Variants in TRMU observed in about 807,000 individuals in gnomAD.
TRMU encodes the protein tRNA mitochondrial 2-thiouridylase.
A neutral mutation model predicts 46.9 loss-of-function variants in TRMU; 49 were observed. That is an observed-to-expected ratio of 1.05 (90% CI 0.83 to 1.33). The LOEUF (loss-of-function observed/expected upper bound fraction) is 1.33, where lower values mean the gene tolerates loss of function less well. Among genes scored for constraint, TRMU ranks in the 40% most tolerant of loss-of-function variants. The pLI, the probability that TRMU is intolerant of heterozygous loss-of-function variation, is 0.00. For synonymous variants in TRMU, 241 were observed against 200.9 expected (o/e 1.20, Z -1.69); for missense variants, 572 against 532.4 (o/e 1.07, Z -0.73).
intron 2 of TRMU, among the ~76,000 whole-genome samples, chr22:46,340,146 G>C (rs1266471542): frequency 6.6e-6 from 1 of 152,146 alleles, no homozygotes; most frequent in Non-Finnish European, 1.5e-5. Flanking sequence ...CCTGGACCGA[G>C]GTCTGGGGGC....
intron 8 of TRMU, 52 bp from the exon 9 acceptor site, chr22:46,355,392 C>T: frequency 1.2e-6 from 2 of 1,601,750 alleles, no homozygotes; most frequent in Admixed American, 1.7e-5. Flanking sequence ...CTGAGGCCGG[C>T]CTTGGGGCCA....
At chr22:46,344,476 A>C (rs1273909510) in intron 3 of TRMU, among the ~76,000 whole-genome samples, 1 of 152,230 alleles carries the variant, frequency 6.6e-6, no homozygotes, top group African/African-American at 2.4e-5. Flanking sequence ...GGCAGTGGTC[A>C]AGCGTGTGAG....
At position 46,342,439 on chromosome 22, in the gene TRMU, A is replaced by G. The variant is rs1356342759; in HGVS notation, c.249-823A>G. 2.6e-5 allele frequency among the ~76,000 whole-genome samples: 4 copies of G among 152,086 alleles called. No homozygotes were observed. Among genetic ancestry groups the G allele is most frequent in the Non-Finnish European group, 5.9e-5 (4 of 68,016 alleles). ...GTGTAGCTGTGCAGAAGCTCTCTGA[A>G]CCCAGTACTCCTGGGTTTTTATGGA... On this transcript the variant is annotated intron_variant, in intron 2 of 10. Coordinates refer to ENST00000645190, the MANE Select transcript of TRMU (RefSeq NM_018006.5). The surrounding 1 kb of genome is among the most constrained non-coding windows in gnomAD (Gnocchi z 4.7).
In TRMU at chr22:46,351,148, G is replaced by A. The variant is rs2078410413; in HGVS notation, c.651+685G>A. 1.3e-5 allele frequency among the ~76,000 whole-genome samples: 2 copies of A among 152,326 alleles called. No individual in the cohort carries two copies. The highest frequency in any genetic ancestry group is 2.9e-5 in the Non-Finnish European group (2 of 68,022). On this transcript the variant is annotated intron_variant, in intron 5 of 10. Transcript: ENST00000645190. This position sits in a 1 kb window ranked among gnomAD's most constrained non-coding sequence, Gnocchi z 6.4. ...GACCTGAAGGAGGAGAGGATCCGGT[G>A]TCCCAGAGAGGGCTGGGAAAGTCCA...
At chr22:46,346,318 T>C in intron 3 of TRMU, 104 bp from the exon 4 acceptor site, 1 of 1,442,270 alleles carries the variant, frequency 6.9e-7, no homozygotes, top group Non-Finnish European at 9.3e-7. Context: ...CCCCTCAGCC[T>C]AAGACTTGGG....
Position 46,350,148 on chromosome 22 carries a change from T to C in TRMU, c.479-143T>C. ...TCTTACATTAACCCGTGGTGGTCTT[T>C]TCCCTAGTAGTTGCTATTGAGTGTT... On this transcript the variant is annotated intron_variant, in intron 4 of 10. Coordinates refer to ENST00000645190, the MANE Select transcript of TRMU (RefSeq NM_018006.5). The surrounding 1 kb of genome is among the most constrained non-coding windows in gnomAD (Gnocchi z 4.6). 1 of 900,540 alleles carries C rather than the reference T, an allele frequency of 1.1e-6. No individual in the cohort carries two copies. Among genetic ancestry groups the C allele is most frequent in the Admixed American group, 2.5e-5 (1 of 39,258 alleles). The allele number at this position is 900,540 out of a possible 1,614,324, so 55.8% of individuals were successfully genotyped here.
rs1458585156 is a variant in TRMU, at chr22:46,336,637, A to G, written c.82+791A>G. 1 of 152,270 alleles carries G rather than the reference A, an allele frequency of 6.6e-6. No homozygotes were observed. The highest frequency in any genetic ancestry group is 1.5e-5 in the Non-Finnish European group (1 of 68,106). 9.4% of individuals were successfully genotyped at this position (152,270 alleles called of 1,614,324 possible). On this transcript the variant is annotated intron_variant, in intron 1 of 10. Coordinates refer to ENST00000645190, the MANE Select transcript of TRMU (RefSeq NM_018006.5). This position sits in a 1 kb window ranked among gnomAD's most constrained non-coding sequence, Gnocchi z 4.1. The stretch of plus-strand genomic sequence containing the variant: ...GGAGGGATTAGATGACATAGTACAT[A>G]CTGATGAGTACGTGCTCAGCACATA...
chr22:46,338,090 G>T lies in TRMU; in HGVS notation c.248+146G>T. On this transcript the variant is annotated intron_variant, in intron 2 of 10. Coordinates refer to ENST00000645190, the MANE Select transcript of TRMU (RefSeq NM_018006.5). This position sits in a 1 kb window ranked among gnomAD's most constrained non-coding sequence, Gnocchi z 4.5. Reference sequence around the variant, plus strand: ...GTGCTGAAGACTGCAAGAGGCCTCAGCCACCCTCGGGGCTCTGTGTTAGAG... The same window carrying T: ...GTGCTGAAGACTGCAAGAGGCCTCATCCACCCTCGGGGCTCTGTGTTAGAG... 9.0e-7 allele frequency: 1 copy of T among 1,109,256 alleles called. No homozygotes were observed. Among genetic ancestry groups the T allele is most frequent in the Admixed American group, 1.8e-5 (1 of 55,668 alleles). The allele number at this position is 1,109,256 out of a possible 1,614,324, so 68.7% of individuals were successfully genotyped here.
In TRMU at chr22:46,335,822, G is replaced by T; in HGVS notation, c.58G>T (p.Ala20Ser). 6.4e-7 allele frequency: 1 copy of T among 1,555,984 alleles called. No homozygotes were observed. The highest frequency in any genetic ancestry group is 1.2e-5 in the South Asian group (1 of 85,480). Residue 20 changes from alanine to serine, a missense_variant, in exon 1 of 11, where the codon GCC becomes TCC. By Grantham distance (99) the Ala-to-Ser change is moderately conservative. Coordinates refer to ENST00000645190, the MANE Select transcript of TRMU (RefSeq NM_018006.5). ...ALSGGVDSAV[A>S]ALLLRRRGYQ... The stretch of plus-strand genomic sequence containing the variant: ...GTCCGGCGGCGTGGACAGCGCCGTG[G>T]CCGCGCTGCTGCTGAGGCGGAGAGG...
chr22:46,356,717 T>A (rs1352950955), intron 10 of TRMU, 125 bp from the exon 11 acceptor site: 7 of 1,183,960 alleles, frequency 5.9e-6, no homozygotes, highest in Middle Eastern at 2.8e-4. Flanking sequence ...AAAACCCTGC[T>A]CCCCTGGGAG....
rs775358631 is a variant in TRMU at position 46,350,463 on chromosome 22, G to A, written c.651G>A (p.Glu217=). The A allele has an allele frequency of 6.2e-7, 1 of 1,613,372 alleles. No individual in the cohort carries two copies. The highest frequency in any genetic ancestry group is 8.5e-7 in the Non-Finnish European group (1 of 1,179,998). The change falls in exon 5 of 11, where the codon GAG becomes GAA. Residue 217 remains glutamate (E), a splice_region_variant and synonymous_variant. Coordinates refer to ENST00000645190, the MANE Select transcript of TRMU (RefSeq NM_018006.5). This position sits in a 1 kb window ranked among gnomAD's most constrained non-coding sequence, Gnocchi z 4.6. ...NRLHHVLQKK[E]SMGMCFIGKR... is the part of the protein sequence containing the mutation. ...TTCATCATGTGCTTCAGAAGAAAGA[G>A]GTACGAGTGAGCAGTTGCCTTTGAT...
At chr22:46,356,188 A>C in intron 10 of TRMU, 116 bp downstream of exon 10, 1 of 1,160,054 alleles carries the variant, frequency 8.6e-7, no homozygotes, top group Non-Finnish European at 1.2e-6. Flanking sequence ...CTCGGGTCAC[A>C]CAGCTGGTGA....
At chr22:46,352,461 G>A (rs1047955862) in intron 7 of TRMU, 131 bp downstream of exon 7, 30 of 1,117,314 alleles carry the variant, frequency 2.7e-5, no homozygotes, top group East Asian at 9.5e-5. Context: ...TCTGTGGGGC[G>A]GCCGGGGGCG....
Position 46,338,094 on chromosome 22 carries a change from C to T in TRMU, c.248+150C>T, listed in dbSNP as rs980407451. 1.9e-6 allele frequency: 2 copies of T among 1,071,884 alleles called. No homozygotes were observed. Among genetic ancestry groups the T allele is most frequent in the Non-Finnish European group, 2.8e-6 (2 of 709,904 alleles). The allele number at this position is 1,071,884 out of a possible 1,614,324, so 66.4% of individuals were successfully genotyped here. On this transcript the variant is annotated intron_variant, in intron 2 of 10. Transcript: ENST00000645190. This position sits in a 1 kb window ranked among gnomAD's most constrained non-coding sequence, Gnocchi z 4.5. ...TGAAGACTGCAAGAGGCCTCAGCCA[C>T]CCTCGGGGCTCTGTGTTAGAGGCGA...
chr22:46,354,707 T>C (rs1422686471), intron 8 of TRMU: 1 of 152,634 alleles, frequency 6.6e-6, no homozygotes, highest in Non-Finnish European at 1.5e-5. Context: ...ATGATCTAGA[T>C]TTCAGTTTGC....
Position 46,343,485 on chromosome 22 carries a change from A to C in TRMU, c.355+117A>C, listed in dbSNP as rs544783428. ...ACTGCAGCCTCGACCTCCTGGGCTC[A>C]AGAGATTCTCCCACCCCAGGCTCCT... On this transcript the variant is annotated intron_variant, in intron 3 of 10. Coordinates refer to ENST00000645190, the MANE Select transcript of TRMU (RefSeq NM_018006.5). 2.8e-5 allele frequency: 22 copies of C among 775,526 alleles called. No individual in the cohort carries two copies. The African/African-American group carries it at 3.1e-4, about 11-fold the overall frequency. 48.0% of individuals were successfully genotyped at this position (775,526 alleles called of 1,614,324 possible).
intron 7 of TRMU, chr22:46,353,302 G>C (rs1378011716): frequency 4.6e-6 from 1 of 217,434 alleles, no homozygotes; most frequent in African/African-American, 2.3e-5. Flanking sequence ...CACTGCAGGG[G>C]AGGGAGGCAG....
intron 9 of TRMU, 28 bp downstream of exon 9, chr22:46,355,616 G>A (rs776143811): frequency 1.7e-5 from 27 of 1,613,236 alleles, no homozygotes; most frequent in South Asian, 3.3e-5. Context: ...TCCTGAGGAC[G>A]GGCCCCTTGA....
At chr22:46,354,324 C>T (rs1452531857) in intron 8 of TRMU, 1 of 193,984 alleles carries the variant, frequency 5.2e-6, no homozygotes, top group African/African-American at 2.3e-5. Context: ...GGCCTCAAAG[C>T]AGGGCCGCTC....
Sources: allele counts gnomAD v4.1 joint callset (sites outside exome capture counted in the v4.1 genomes callset), GRCh38; gene constraint gnomAD v4.1.1; non-coding constraint Gnocchi (gnomAD v3.1); transcripts MANE v1.5; gene names NCBI Gene and HGNC (gene_info 2026-07-23, HGNC 2026-07-21).